Variants in PHF3 observed in about 807,000 individuals in gnomAD.
PHF3 encodes the protein PHD finger protein 3.
A neutral mutation model predicts 178.4 loss-of-function variants in PHF3; 41 were observed. The observed-to-expected ratio is 0.23, with a 90% CI of 0.18 to 0.30. PHF3 has a LOEUF of 0.30. Ranked by LOEUF, PHF3 falls within the 10% of genes least tolerant of loss-of-function variation. The pLI is 1.00. For missense variants in PHF3, 2,346 were observed against 2,398.1 expected, an observed-to-expected ratio of 0.98 and a Z score of 0.45; for synonymous variants, 842 against 800.5, an observed-to-expected ratio of 1.05 and a Z score of -0.88.
intron 2 of PHF3, among the ~76,000 whole-genome samples, chr6:63,655,758 C>A (rs985504568): frequency 6.6e-6 from 1 of 152,054 alleles, no homozygotes; most frequent in Non-Finnish European, 1.5e-5. Flanking sequence ...TGTTTTATTT[C>A]TTATGCTTTT....
chr6:63,710,911 C>T (rs898541845), intron 14 of PHF3, among the ~76,000 whole-genome samples: 1 of 152,130 alleles, frequency 6.6e-6, no homozygotes, highest in African/African-American at 2.4e-5. Context: ...AGTCATTAAT[C>T]ACCTTTGGAC....
intron 2 of PHF3, among the ~76,000 whole-genome samples, chr6:63,669,963 TAC>T (rs1488315403): frequency 1.3e-5 from 2 of 152,220 alleles, no homozygotes; most frequent in Non-Finnish European, 2.9e-5. Context: ...CCAAATTTAT[TAC>T]AGAGTTGACA....
chr6:63,691,539 G>A (rs931377158), intron 4 of PHF3, among the ~76,000 whole-genome samples, 198 bp from the exon 5 acceptor site: 5 of 151,872 alleles, frequency 3.3e-5, no homozygotes, highest in African/African-American at 1.2e-4. Flanking sequence ...AAATATTTGA[G>A]GTCTTAAAGG....
chr6:63,685,540 C>T lies in PHF3; in HGVS notation c.1818C>T (p.Cys606=). Residue 606 remains cysteine, a synonymous_variant, in exon 4 of 16, where the codon TGC becomes TGT. Coordinates refer to ENST00000262043, the MANE Select transcript of PHF3 (RefSeq NM_001370348.2). ...ATAAGTCACACGCTCATCCTGGTTG[C>T]TTGAAAGAACCTCATCATCCTGCAC... ...LSDKSHAHPG[C]LKEPHHPAQT... 1 of 1,614,082 alleles carries T rather than the reference C, an allele frequency of 6.2e-7. No homozygotes were observed. The highest frequency in any genetic ancestry group is 1.7e-5 in the Admixed American group (1 of 60,024).
chr6:63,707,941 G>T (rs1234316439), intron 13 of PHF3, among the ~76,000 whole-genome samples: 1 of 151,786 alleles, frequency 6.6e-6, no homozygotes, highest in Non-Finnish European at 1.5e-5. Flanking sequence ...ATCTTGGCTT[G>T]CTGCAATGTC....
At chr6:63,643,201 A>G (rs114710882) in intron 1 of PHF3, among the ~76,000 whole-genome samples, 1,814 of 152,298 alleles carry the variant, frequency 0.012, 31 homozygotes, top group African/African-American at 0.042. Flanking sequence ...TATCCATTAC[A>G]AGTGAGTAAA....
chr6:63,667,711 C>A (rs965725503), intron 2 of PHF3, among the ~76,000 whole-genome samples: 1 of 152,182 alleles, frequency 6.6e-6, no homozygotes, highest in East Asian at 1.9e-4. Context: ...CTCTGCACTC[C>A]TTTTTCCATT....
intron 2 of PHF3, among the ~76,000 whole-genome samples, chr6:63,653,460 G>C (rs796961155): frequency 1.7e-4 from 26 of 151,918 alleles, no homozygotes; most frequent in African/African-American, 6.0e-4. Context: ...TCGGTGAGTA[G>C]GATTGCTTTC....
chr6:63,709,994 G>A (rs185575248), intron 14 of PHF3, among the ~76,000 whole-genome samples: 2 of 152,118 alleles, frequency 1.3e-5, no homozygotes, highest in East Asian at 1.9e-4. Flanking sequence ...TTCCCTCCAC[G>A]GGATGTGATA....
chr6:63,685,516 T>A lies in PHF3; in HGVS notation c.1794T>A (p.Asp598Glu). Residue 598 changes from aspartate to glutamate, a missense_variant, in exon 4 of 16, where the codon GAT becomes GAA. Asp to Glu is a conservative substitution (Grantham distance 45). This residue lies in a region of PHF3 where 843 missense variants were observed against 795.2 expected (regional missense o/e 1.06). Coordinates refer to ENST00000262043, the MANE Select transcript of PHF3 (RefSeq NM_001370348.2). The part of the protein sequence containing the change: ...IFKPLTHSLS[D>E]KSHAHPGCLK... ...AGCCCTTAACTCATTCTTTGAGTGA[T>A]AAGTCACACGCTCATCCTGGTTGCT... The A allele has an allele frequency of 1.2e-6, 2 of 1,614,104 alleles. No homozygotes were observed. Among genetic ancestry groups the A allele is most frequent in the Non-Finnish European group, 1.7e-6 (2 of 1,180,020 alleles).
chr6:63,723,210 T>C lies in PHF3; in HGVS notation c.*9502T>C, dbSNP rs1220828588. ...TTTTAAAAATTCATAACAAAGAAACTCAGTTTATTTGCATAATTTCTAACA... is the reference window on the plus strand; with the variant it reads ...TTTTAAAAATTCATAACAAAGAAACCCAGTTTATTTGCATAATTTCTAACA... On this transcript the variant is annotated 3_prime_UTR_variant, in exon 16 of 16. Coordinates refer to ENST00000262043, the MANE Select transcript of PHF3 (RefSeq NM_001370348.2). Among the ~76,000 whole-genome samples, 1 of 152,162 alleles carries C rather than the reference T, an allele frequency of 6.6e-6. No homozygotes were observed. Among genetic ancestry groups the C allele is most frequent in the African/African-American group, 2.4e-5 (1 of 41,436 alleles).
chr6:63,723,087 GT>G lies in PHF3; in HGVS notation c.*9382del, dbSNP rs560429011. Among the ~76,000 whole-genome samples the G allele has an allele frequency of 3.8e-3, 586 of 152,212 alleles. 3 individuals are homozygous for G. The highest frequency in any genetic ancestry group is 0.012 in the African/African-American group (509 of 41,546). Reference sequence around the variant, plus strand: ...AAATAATTATTAAATAAAGAAATACGTTTGTAGGGTTGTGGGTTGAGATGAC... The same window carrying G: ...AAATAATTATTAAATAAAGAAATACGTTGTAGGGTTGTGGGTTGAGATGAC... On this transcript the variant is annotated 3_prime_UTR_variant, in exon 16 of 16. Coordinates refer to ENST00000262043, the MANE Select transcript of PHF3 (RefSeq NM_001370348.2).
chr6:63,724,628 CAG>C lies in PHF3; in HGVS notation c.*10923_*10924del, dbSNP rs1457832394. ...TTAGCAGAAATAGATGAAAAGGGACCAGAGTCTTATTTCTTTAAAATATCTTT... is the reference window on the plus strand; with the variant it reads ...TTAGCAGAAATAGATGAAAAGGGACCAGTCTTATTTCTTTAAAATATCTTT... On this transcript the variant is annotated 3_prime_UTR_variant, in exon 16 of 16. Coordinates refer to ENST00000262043, the MANE Select transcript of PHF3 (RefSeq NM_001370348.2). Among the ~76,000 whole-genome samples the C allele has an allele frequency of 6.6e-6, 1 of 151,444 alleles. No individual in the cohort carries two copies. The highest frequency in any genetic ancestry group is 2.4e-5 in the African/African-American group (1 of 41,240).
At chr6:63,682,500 C>T (rs973311599) in intron 3 of PHF3, among the ~76,000 whole-genome samples, 2 of 152,122 alleles carry the variant, frequency 1.3e-5, no homozygotes, top group East Asian at 1.9e-4. Context: ...AAAAATGTCC[C>T]GCTGTTATAG....
At chr6:63,645,454 AATGTTAGC>A in intron 1 of PHF3, among the ~76,000 whole-genome samples, 1 of 152,264 alleles carries the variant, frequency 6.6e-6, no homozygotes, top group South Asian at 2.1e-4. Context: ...ATAACTAGTG[AATGTTAGC>A]ATGTATCTGA....
chr6:63,693,872 A>G (rs1767114780), intron 5 of PHF3, among the ~76,000 whole-genome samples: 1 of 152,250 alleles, frequency 6.6e-6, no homozygotes, highest in African/African-American at 2.4e-5. Flanking sequence ...GTTGTGTGGC[A>G]TAGCACTACG....
chr6:63,668,001 G>C (rs144586360), intron 2 of PHF3, among the ~76,000 whole-genome samples: 1 of 152,314 alleles, frequency 6.6e-6, no homozygotes, highest in Admixed American at 6.5e-5. Context: ...TCTGCACAGC[G>C]ATGCAGCCTT....
At chr6:63,647,920 G>C (rs1305001103) in intron 2 of PHF3, among the ~76,000 whole-genome samples, 1 of 152,040 alleles carries the variant, frequency 6.6e-6, no homozygotes, top group Non-Finnish European at 1.5e-5. Flanking sequence ...TCATTGACTA[G>C]ACTTTTTCTC....
rs1364554703 is a variant in PHF3, at chr6:63,714,591, G to GA, written c.*888dup. 5 of 152,414 alleles carry GA rather than the reference G, an allele frequency of 3.3e-5. No homozygotes were observed. The highest frequency in any genetic ancestry group is 9.7e-5 in the African/African-American group (4 of 41,396). The allele number at this position is 152,414 out of a possible 1,614,324, so 9.4% of individuals were successfully genotyped here. ...ATCTATGTCAGGCATTAGATGAGGG[G>GA]AAAAACAATTTTTTTAAAATCTTAA... On this transcript the variant is annotated 3_prime_UTR_variant, in exon 16 of 16. Coordinates refer to ENST00000262043, the MANE Select transcript of PHF3 (RefSeq NM_001370348.2).
Sources: allele counts gnomAD v4.1 joint callset (sites outside exome capture counted in the v4.1 genomes callset), GRCh38; gene constraint gnomAD v4.1.1; regional missense constraint gnomAD v4.1.1; transcripts MANE v1.5; gene names NCBI Gene and HGNC (gene_info 2026-07-23, HGNC 2026-07-21).